DENND1A: variants seen among roughly 807,000 people sequenced by gnomAD.
DENND1A encodes DENN domain containing 1A.
Under a neutral mutation model 113.7 loss-of-function variants are expected in DENND1A, and 51 were observed. The observed-to-expected ratio is 0.45, with a 90% CI of 0.36 to 0.57. The LOEUF (loss-of-function observed/expected upper bound fraction) is 0.57. DENND1A is among the 20% of genes least tolerant of loss of function. DENND1A has a pLI of 0.00. For missense variants in DENND1A, 1,258 were observed against 1,395.9 expected, an observed-to-expected ratio of 0.90 and a Z score of 1.57; for synonymous variants, 565 against 570.8, an observed-to-expected ratio of 0.99 and a Z score of 0.14.
intron 5 of DENND1A, among the ~76,000 whole-genome samples, chr9:123,693,566 CT>C: frequency 6.6e-6 from 1 of 152,046 alleles, no homozygotes; most frequent in South Asian, 2.1e-4. Flanking sequence ...AGTACATAGC[CT>C]TTTAAGTCTG....
intron 21 of DENND1A, chr9:123,401,284 G>A: frequency 6.1e-6 from 1 of 164,350 alleles, no homozygotes; most frequent in Non-Finnish European, 1.3e-5. Flanking sequence ...GATGACAGTT[G>A]AGAAAAACAC....
In DENND1A at chr9:123,842,735, A is replaced by G. The variant is rs1325911924; in HGVS notation, c.88+36216T>C. Among the ~76,000 whole-genome samples the G allele has an allele frequency of 3.3e-5, 5 of 152,252 alleles. 1 individual carries two copies. The highest frequency in any genetic ancestry group is 1.3e-4 in the Admixed American group (2 of 15,284). ...CAATTCTTCATAAACTCTTTCAAAA[A>G]CTAAAATATGAAGAAAAACTTTCCA... is the stretch of plus-strand genomic sequence containing the variant. On this transcript the variant is annotated intron_variant, in intron 2 of 23. Coordinates refer to ENST00000394215, the MANE Select transcript of DENND1A (RefSeq NM_001352964.2).
In DENND1A at chr9:123,679,625, T is replaced by C. The variant is rs75342773; in HGVS notation, c.303-2836A>G. On this transcript the variant is annotated intron_variant, in intron 5 of 23. Transcript: ENST00000394215. ...AAACCGAAACCCAGCTGTCTTCTTC[T>C]TCAAAGGGCCCCTGTTTTCCCCTGT... Among the ~76,000 whole-genome samples the C allele has an allele frequency of 5.5e-3, 838 of 152,308 alleles. 8 individuals carry two copies. The highest frequency in any genetic ancestry group is 9.9e-3 in the Non-Finnish European group (673 of 68,026).
chr9:123,594,997 T>C (rs906377989), intron 11 of DENND1A, among the ~76,000 whole-genome samples: 1 of 152,186 alleles, frequency 6.6e-6, no homozygotes, highest in Non-Finnish European at 1.5e-5. Flanking sequence ...TTTCCTTCCC[T>C]TCCTCAGGCC....
At chr9:123,436,055 G>A (rs1238673765) in intron 19 of DENND1A, among the ~76,000 whole-genome samples, 1 of 152,224 alleles carries the variant, frequency 6.6e-6, no homozygotes, top group Admixed American at 6.5e-5. Flanking sequence ...GGTGCCCAGG[G>A]CTGCCGGGGA....
chr9:123,909,025 A>T (rs991044566), intron 1 of DENND1A, among the ~76,000 whole-genome samples: 1 of 152,244 alleles, frequency 6.6e-6, no homozygotes, highest in Non-Finnish European at 1.5e-5. Flanking sequence ...GCCATAAAAA[A>T]TGATGAGTTC....
chr9:123,846,208 A>C (rs1842597466), intron 2 of DENND1A, among the ~76,000 whole-genome samples: 1 of 152,248 alleles, frequency 6.6e-6, no homozygotes, highest in African/African-American at 2.4e-5. Context: ...ACTGACAAGA[A>C]TGTAGAGAAA....
intron 2 of DENND1A, among the ~76,000 whole-genome samples, chr9:123,862,710 C>T (rs1845215325): frequency 6.6e-6 from 1 of 152,124 alleles, no homozygotes; most frequent in Admixed American, 6.5e-5. Context: ...ACCTTCCTTC[C>T]CATCCACCAC....
chr9:123,578,946 G>A (rs981284713), intron 12 of DENND1A, among the ~76,000 whole-genome samples: 3 of 152,080 alleles, frequency 2.0e-5, no homozygotes, highest in African/African-American at 7.2e-5. Flanking sequence ...AAGACACTGG[G>A]ACAAAAGAAA....
At chr9:123,561,785 C>T (rs2057773915) in intron 12 of DENND1A, among the ~76,000 whole-genome samples, 1 of 152,170 alleles carries the variant, frequency 6.6e-6, no homozygotes, top group South Asian at 2.1e-4. Context: ...CCTTTCCCCT[C>T]TGTGTGCCAT....
At chr9:123,758,974 T>C (rs904232351) in intron 4 of DENND1A, among the ~76,000 whole-genome samples, 4 of 152,054 alleles carry the variant, frequency 2.6e-5, no homozygotes, top group African/African-American at 9.7e-5. Context: ...CTAATTTTTT[T>C]ATATTTTTAG....
At chr9:123,699,744 C>A (rs2065772575) in intron 5 of DENND1A, among the ~76,000 whole-genome samples, 1 of 140,698 alleles carries the variant, frequency 7.1e-6, no homozygotes, top group Non-Finnish European at 1.5e-5. Flanking sequence ...GTCACCCAGG[C>A]TGGAGTGCAG....
At chr9:123,867,299 T>C (rs1590453475) in intron 2 of DENND1A, among the ~76,000 whole-genome samples, 1 of 152,148 alleles carries the variant, frequency 6.6e-6, no homozygotes, top group Admixed American at 6.5e-5. Context: ...CTAGTTCCTG[T>C]TTTATAGGGT....
At chr9:123,566,932 C>CACACACACAA (rs1202186014) in intron 12 of DENND1A, among the ~76,000 whole-genome samples, 1 of 151,888 alleles carries the variant, frequency 6.6e-6, no homozygotes, top group Non-Finnish European at 1.5e-5. Context: ...CACACACACA[C>CACACACACAA]ACACACACAA....
Position 123,571,581 on chromosome 9 carries a change from G to T in DENND1A, c.867+11588C>A, listed in dbSNP as rs150238834. Among the ~76,000 whole-genome samples the T allele has an allele frequency of 5.3e-3, 805 of 152,290 alleles. 6 individuals are homozygous for T. Among genetic ancestry groups the T allele is most frequent in the South Asian group, 8.5e-3 (41 of 4,834 alleles). The stretch of plus-strand genomic sequence containing the variant: ...CAGTGCTGTGTGTCTGGTTTCTTTT[G>T]CTCAGTGTGAATTAAGATTCATTCA... On this transcript the variant is annotated intron_variant, in intron 12 of 23. Transcript: ENST00000394215.
chr9:123,616,153 C>G (rs1263645974), intron 10 of DENND1A, among the ~76,000 whole-genome samples: 1 of 152,236 alleles, frequency 6.6e-6, no homozygotes, highest in South Asian at 2.1e-4. Context: ...TGGTCTCGAA[C>G]TCCTGACCTC....
intron 3 of DENND1A, among the ~76,000 whole-genome samples, chr9:123,770,113 T>C (rs1266599349): frequency 6.6e-6 from 1 of 152,214 alleles, no homozygotes. Context: ...ATTTACTTAC[T>C]TTACAAAGAA....
At chr9:123,696,822 A>C (rs1386164137) in intron 5 of DENND1A, among the ~76,000 whole-genome samples, 3 of 152,172 alleles carry the variant, frequency 2.0e-5, no homozygotes, top group African/African-American at 7.2e-5. Context: ...TTCCTTTCTA[A>C]ATTACTATAG....
chr9:123,679,075 C>G (rs1468117969), intron 5 of DENND1A, among the ~76,000 whole-genome samples: 1 of 152,060 alleles, frequency 6.6e-6, no homozygotes, highest in Non-Finnish European at 1.5e-5. Flanking sequence ...TAAATCCAGC[C>G]ACTGAAAGTC....
Sources: gnomAD v4.1 joint callset for allele counts (sites outside exome capture counted in the v4.1 genomes callset) on GRCh38, gnomAD v4.1.1 for gene constraint, MANE v1.5 for transcripts, NCBI Gene and HGNC (gene_info 2026-07-23, HGNC 2026-07-21) for gene names.